The following SULT1C2 variants were observed in gnomAD, a reference collection of about 807,000 sequenced individuals.
The protein encoded by SULT1C2 is sulfotransferase family 1C member 2.
SULT1C2 carries 27 observed loss-of-function variants against 36.0 expected under a neutral mutation model. The ratio of observed to expected loss-of-function variants is 0.75; its 90% CI spans 0.55 to 1.03. The LOEUF (loss-of-function observed/expected upper bound fraction) is 1.03. Ranked by LOEUF, SULT1C2 falls within the 50% of genes least tolerant of loss-of-function variation. The pLI, the probability that SULT1C2 is intolerant of heterozygous loss-of-function variation, is 0.00. For synonymous variants in SULT1C2, 121 were observed against 116.0 expected (o/e 1.04, Z -0.27); for missense variants, 395 against 359.2 (o/e 1.10, Z -0.80).
Position 108,293,667 on chromosome 2 carries a change from T to G in SULT1C2, c.-1T>G. The G allele has an allele frequency of 6.2e-7, 1 of 1,612,824 alleles. No individual in the cohort carries two copies. Among genetic ancestry groups the G allele is most frequent in the Non-Finnish European group, 8.5e-7 (1 of 1,179,476 alleles). ...CATAGGGACCCCAACCCTGAGACAC[T>G]ATGGCCCTGACCTCAGACCTGGGGA... On this transcript the variant is annotated 5_prime_UTR_variant, in exon 2 of 8. Coordinates refer to ENST00000251481, the MANE Select transcript of SULT1C2 (RefSeq NM_001056.4).
chr2:108,290,927 C>T (rs142766010), intron 1 of SULT1C2, among the ~76,000 whole-genome samples: 38 of 152,304 alleles, frequency 2.5e-4, no homozygotes, highest in African/African-American at 8.9e-4. Flanking sequence ...ACTATCACTG[C>T]CATAACAAAT....
chr2:108,296,241 A>C (rs545815862), intron 3 of SULT1C2, among the ~76,000 whole-genome samples: 1 of 152,224 alleles, frequency 6.6e-6, no homozygotes, highest in South Asian at 2.1e-4. Context: ...GTGTTCAATC[A>C]CTAAATCGGC....
intron 3 of SULT1C2, among the ~76,000 whole-genome samples, chr2:108,297,582 T>C (rs1016294446): frequency 3.9e-5 from 6 of 152,120 alleles, no homozygotes; most frequent in African/African-American, 1.2e-4. Context: ...CTGGGCTGTG[T>C]CATGCACACT....
intron 3 of SULT1C2, chr2:108,299,988 T>C (rs752638410): frequency 1.3e-5 from 2 of 152,236 alleles, no homozygotes; most frequent in Non-Finnish European, 2.9e-5. Flanking sequence ...GGAAGCTCCT[T>C]AGGGAGAAGG....
chr2:108,304,746 C>G (rs376791057), intron 5 of SULT1C2, 46 bp downstream of exon 5: 125 of 1,578,676 alleles, frequency 7.9e-5, no homozygotes, highest in Admixed American at 1.5e-4. Context: ...TCCAGCTAGG[C>G]TGGGTCTAGG....
intron 3 of SULT1C2, among the ~76,000 whole-genome samples, chr2:108,296,071 T>A (rs1309420145): frequency 6.6e-6 from 1 of 152,060 alleles, no homozygotes; most frequent in South Asian, 2.1e-4. Flanking sequence ...ATCACAAACA[T>A]GAGCCACCAC....
rs1482556504 is a variant in SULT1C2, at chr2:108,296,407, C to T, written c.277+2053C>T. On this transcript the variant is annotated intron_variant, in intron 3 of 7. Coordinates refer to ENST00000251481, the MANE Select transcript of SULT1C2 (RefSeq NM_001056.4). ...TCAGGCTTTATGATCTGCCCAGCCA[C>T]AGACAGCTGAATGCTGGCTGGAGAC... Among the ~76,000 whole-genome samples, 12 of 97,530 alleles carry T rather than the reference C, an allele frequency of 1.2e-4. No individual in the cohort carries two copies. The East Asian group carries it at 2.0e-3, about 16-fold the overall frequency. 64.0% of individuals were successfully genotyped at this position (97,530 alleles called of 152,430 possible).
intron 7 of SULT1C2, 111 bp downstream of exon 7, chr2:108,305,706 C>T (rs767307798): frequency 3.0e-5 from 40 of 1,314,222 alleles, no homozygotes; most frequent in Admixed American, 7.4e-5. Flanking sequence ...TTCAACTATT[C>T]CTAATATGTG....
intron 7 of SULT1C2, among the ~76,000 whole-genome samples, chr2:108,307,503 T>C (rs1293039369): frequency 1.3e-5 from 2 of 152,228 alleles, no homozygotes; most frequent in African/African-American, 4.8e-5. Flanking sequence ...ATAGACACTA[T>C]AGTTATTATT....
chr2:108,308,307 T>A, intron 7 of SULT1C2, 45 bp from the exon 8 acceptor site: 1 of 1,552,550 alleles, frequency 6.4e-7, no homozygotes, highest in Non-Finnish European at 8.7e-7. Context: ...GGACACCACA[T>A]CTTTCAATCA....
At position 108,305,683 on chromosome 2, in the gene SULT1C2, C is replaced by A. The variant is rs1374064599; in HGVS notation, c.778+88C>A. 4 of 1,481,988 alleles carry A rather than the reference C, an allele frequency of 2.7e-6. No individual in the cohort carries two copies. The East Asian group carries it at 6.8e-5, about 25-fold the overall frequency. 91.8% of individuals were successfully genotyped at this position (1,481,988 alleles called of 1,614,324 possible). On this transcript the variant is annotated intron_variant, in intron 7 of 7. Coordinates refer to ENST00000251481, the MANE Select transcript of SULT1C2 (RefSeq NM_001056.4). ...AGACAATATTGAGTTTTATTAATTCCAAGCCAATGCATTTCAACTATTCCT... is the reference window on the plus strand; with the variant it reads ...AGACAATATTGAGTTTTATTAATTCAAAGCCAATGCATTTCAACTATTCCT...
intron 7 of SULT1C2, among the ~76,000 whole-genome samples, chr2:108,306,224 A>G (rs1432906004): frequency 6.6e-6 from 1 of 152,180 alleles, no homozygotes; most frequent in Non-Finnish European, 1.5e-5. Flanking sequence ...CCAATTCCCA[A>G]AGGAGGAATT....
intron 1 of SULT1C2, among the ~76,000 whole-genome samples, chr2:108,290,070 C>T (rs565830387): frequency 1.4e-4 from 21 of 152,262 alleles, no homozygotes; most frequent in African/African-American, 4.3e-4. Context: ...CAATGTGTTG[C>T]GTGGATTATT....
intron 5 of SULT1C2, 28 bp from the exon 6 acceptor site, chr2:108,305,144 A>C: frequency 1.2e-6 from 2 of 1,613,078 alleles, no homozygotes; most frequent in Non-Finnish European, 1.7e-6. Flanking sequence ...GCCTATGTAG[A>C]CTATTCTGTT....
intron 1 of SULT1C2, among the ~76,000 whole-genome samples, chr2:108,291,981 T>G (rs1056358473): frequency 6.6e-6 from 1 of 152,194 alleles, no homozygotes; most frequent in Non-Finnish European, 1.5e-5. Context: ...TGTCTTCATC[T>G]TAAAGGGCTC....
intron 5 of SULT1C2, among the ~76,000 whole-genome samples, 192 bp from the exon 6 acceptor site, chr2:108,304,980 T>C (rs1676984723): frequency 6.6e-6 from 1 of 152,212 alleles, no homozygotes; most frequent in Admixed American, 6.5e-5. Flanking sequence ...TTAGGGACGA[T>C]GTTGGGGCAA....
chr2:108,309,753 A>G lies in SULT1C2; in HGVS notation c.*1289A>G, dbSNP rs1255366187. ...TAAAATGCTTCTCCCTGAAAAAGAG[A>G]AAAAAAAAAGGAAAAAAAGAAAAGA... On this transcript the variant is annotated 3_prime_UTR_variant, in exon 8 of 8. Transcript: ENST00000251481. 3.2e-5 allele frequency: 4 copies of G among 123,508 alleles called. No individual in the cohort carries two copies. Among genetic ancestry groups the G allele is most frequent in the East Asian group, 5.0e-4 (2 of 3,980 alleles). The allele number at this position is 123,508 out of a possible 1,614,324, so 7.7% of individuals were successfully genotyped here. A position where few individuals can be genotyped will look rare whatever the true frequency, so the allele number is the denominator to read the frequency against.
chr2:108,294,081 C>T, intron 2 of SULT1C2, 148 bp from the exon 3 acceptor site: 1 of 1,448,116 alleles, frequency 6.9e-7, no homozygotes, highest in Non-Finnish European at 9.2e-7. Context: ...CCCTCATGGA[C>T]TTCTATCACT....
intron 3 of SULT1C2, chr2:108,298,864 C>T (rs1221859180): frequency 5.5e-6 from 1 of 182,104 alleles, no homozygotes; most frequent in Non-Finnish European, 1.2e-5. Flanking sequence ...CTCACACCTA[C>T]ATTGGAACAT....
Sources: allele counts gnomAD v4.1 joint callset (sites outside exome capture counted in the v4.1 genomes callset), GRCh38; gene constraint gnomAD v4.1.1; transcripts MANE v1.5; gene names NCBI Gene and HGNC (gene_info 2026-07-23, HGNC 2026-07-21).